The following UNC13C variants were observed in gnomAD, a reference collection of about 807,000 sequenced individuals.
UNC13C encodes unc-13 homolog C.
Under a neutral mutation model 245.4 loss-of-function variants are expected in UNC13C, and 174 were observed. The observed-to-expected ratio is 0.71, with a 90% confidence interval of 0.63 to 0.80. UNC13C has a LOEUF of 0.80. UNC13C is among the 30% of genes least tolerant of loss of function. The pLI, the probability that UNC13C is intolerant of heterozygous loss-of-function variation, is 0.00. For synonymous variants in UNC13C, 992 were observed against 895.1 expected (o/e 1.11, Z -1.93); for missense variants, 2,829 against 2,602.9 (o/e 1.09, Z -1.89).
At chr15:54,268,519 A>T (rs2036605127) in intron 10 of UNC13C, among the ~76,000 whole-genome samples, 1 of 152,074 alleles carries the variant, frequency 6.6e-6, no homozygotes, top group Admixed American at 6.6e-5. Flanking sequence ...TGCAAATGTT[A>T]CTTTGTTGCT....
intron 19 of UNC13C, among the ~76,000 whole-genome samples, chr15:54,486,225 C>T (rs1163069065): frequency 4.9e-5 from 7 of 144,300 alleles, no homozygotes; most frequent in East Asian, 4.3e-4. Flanking sequence ...ACCTGGTCAA[C>T]GTGGTGAAAA....
rs1224191189 is a variant in UNC13C, at chr15:54,143,694, T to C, written c.3071+10T>C. The stretch of plus-strand genomic sequence containing the variant: ...TCCAGGTGTGTGGTGGGTAAGTACC[T>C]TCATACCTTTCTAATTTATTCCATT... On this transcript the variant is annotated intron_variant, in intron 4 of 32. Coordinates refer to ENST00000260323, the MANE Select transcript of UNC13C (RefSeq NM_001080534.3). 6.2e-7 allele frequency: 1 copy of C among 1,608,460 alleles called. No homozygotes were observed. Among genetic ancestry groups the C allele is most frequent in the Non-Finnish European group, 8.5e-7 (1 of 1,175,392 alleles).
At position 54,317,422 on chromosome 15, in the gene UNC13C, C is replaced by T. The variant is rs186824856; in HGVS notation, c.4269-4517C>T. On this transcript the variant is annotated intron_variant, in intron 13 of 32. Coordinates refer to ENST00000260323, the MANE Select transcript of UNC13C (RefSeq NM_001080534.3). ...ACACTGCTCTGGCATTCAAAAACCA[C>T]AGTTTCTTAGGGTATTTTTATCATC... Among the ~76,000 whole-genome samples the T allele has an allele frequency of 9.2e-5, 14 of 151,992 alleles. No homozygotes were observed. In the East Asian group the frequency reaches 2.5e-3, roughly 27 times the overall value.
the UNC13C span, among the ~76,000 whole-genome samples, chr15:53,868,048 T>C: frequency 5.9e-5 from 9 of 152,186 alleles, no homozygotes; most frequent in Non-Finnish European, 8.8e-5. Flanking sequence ...TTGCCCAGAC[T>C]GGTCTTGAAT....
chr15:54,518,271 G>A (rs569540201), intron 24 of UNC13C, among the ~76,000 whole-genome samples: 93 of 152,288 alleles, frequency 6.1e-4, no homozygotes, highest in Non-Finnish European at 9.0e-4. Flanking sequence ...TGCTGCTGAG[G>A]AGGTTGAAAG....
chr15:54,383,075 G>A (rs1374108431), intron 17 of UNC13C, among the ~76,000 whole-genome samples: 2 of 152,074 alleles, frequency 1.3e-5, no homozygotes, highest in Admixed American at 1.3e-4. Context: ...ACAAATAAAA[G>A]CTCAGGACAG....
intron 4 of UNC13C, among the ~76,000 whole-genome samples, chr15:54,179,589 A>G (rs1380826079): frequency 1.3e-5 from 2 of 152,126 alleles, no homozygotes; most frequent in African/African-American, 4.8e-5. Context: ...AAGCTCTGAA[A>G]GAAAGAATAC....
At chr15:54,568,545 A>G (rs900980590) in intron 30 of UNC13C, among the ~76,000 whole-genome samples, 1 of 152,166 alleles carries the variant, frequency 6.6e-6, no homozygotes, top group South Asian at 2.1e-4. Flanking sequence ...ATTACTGTTC[A>G]AAAATTTTTC....
intron 18 of UNC13C, among the ~76,000 whole-genome samples, chr15:54,399,625 A>T (rs925914436): frequency 6.6e-6 from 1 of 151,806 alleles, no homozygotes; most frequent in African/African-American, 2.4e-5. Flanking sequence ...TGTAGATAGC[A>T]GAAAGTATCT....
chr15:54,200,812 A>C (rs1375068735), intron 4 of UNC13C, among the ~76,000 whole-genome samples: 1 of 152,090 alleles, frequency 6.6e-6, no homozygotes, highest in Non-Finnish European at 1.5e-5. Flanking sequence ...AAAATACATA[A>C]CAAAGATCAG....
At chr15:54,408,455 A>G (rs1596335419) in intron 18 of UNC13C, among the ~76,000 whole-genome samples, 1 of 152,250 alleles carries the variant, frequency 6.6e-6, no homozygotes, top group Admixed American at 6.5e-5. Flanking sequence ...TAGAAATAAT[A>G]ACAACTGAAT....
chr15:54,507,121 T>G lies in UNC13C; in HGVS notation c.5306T>G (p.Ile1769Ser), dbSNP rs1280706389. ...TCACAATGTTTTCTTTCTTAGACTA[T>G]CAATAAAGTGCTGCTCCAGTATGCT... ...SHLMRRFAKTINKVLLQYAAI... is the reference protein window; with the variant it reads ...SHLMRRFAKTSNKVLLQYAAI... Residue 1769 changes from isoleucine to serine, a missense_variant, in exon 23 of 33, where the codon ATC (isoleucine) becomes AGC (serine). By Grantham distance (142) the Ile-to-Ser change is moderately radical. Coordinates refer to ENST00000260323, the MANE Select transcript of UNC13C (RefSeq NM_001080534.3). 6.3e-7 allele frequency: 1 copy of G among 1,592,698 alleles called. No individual in the cohort carries two copies. The highest frequency in any genetic ancestry group is 8.6e-7 in the Non-Finnish European group (1 of 1,167,730).
chr15:54,264,468 A>C, intron 9 of UNC13C, 73 bp downstream of exon 9: 1 of 1,116,814 alleles, frequency 9.0e-7, no homozygotes. Flanking sequence ...AACTGCTAAT[A>C]ATAATTATAG....
chr15:54,560,340 G>T (rs1897251591), intron 29 of UNC13C, among the ~76,000 whole-genome samples: 1 of 151,884 alleles, frequency 6.6e-6, no homozygotes, highest in South Asian at 2.1e-4. Context: ...AAAGTTTGAA[G>T]AGTTAGAAGA....
intron 10 of UNC13C, among the ~76,000 whole-genome samples, chr15:54,280,212 C>T (rs1032208973): frequency 6.6e-6 from 1 of 152,122 alleles, no homozygotes; most frequent in Middle Eastern, 3.4e-3. Flanking sequence ...ACTTAAATGT[C>T]TATCTACTGT....
intron 30 of UNC13C, among the ~76,000 whole-genome samples, chr15:54,619,708 G>A (rs1218561033): frequency 6.6e-6 from 1 of 152,108 alleles, no homozygotes; most frequent in Non-Finnish European, 1.5e-5. Flanking sequence ...TTAAACTGTG[G>A]AAGCAACTAC....
chr15:54,333,149 C>A (rs1724993783), intron 15 of UNC13C, among the ~76,000 whole-genome samples: 1 of 151,916 alleles, frequency 6.6e-6, no homozygotes, highest in Admixed American at 6.6e-5. Context: ...TGAAATTGAC[C>A]AAAGTAAAAA....
intron 18 of UNC13C, among the ~76,000 whole-genome samples, chr15:54,394,375 C>G (rs1002881367): frequency 6.6e-6 from 1 of 151,688 alleles, no homozygotes. Flanking sequence ...TCCTGATGGC[C>G]TTTGTGTTTC....
the UNC13C span, among the ~76,000 whole-genome samples, chr15:53,889,265 G>A: frequency 2.0e-5 from 3 of 151,990 alleles, no homozygotes; most frequent in African/African-American, 7.2e-5. Flanking sequence ...GAGGTCCTTT[G>A]CATCCCTTGT....
Sources: allele counts gnomAD v4.1 joint callset (sites outside exome capture counted in the v4.1 genomes callset), GRCh38; gene constraint gnomAD v4.1.1; transcripts MANE v1.5; gene names NCBI Gene and HGNC (gene_info 2026-07-23, HGNC 2026-07-21).